Variants in TNRC18 observed in about 807,000 individuals in gnomAD.
The protein encoded by TNRC18 is trinucleotide repeat containing 18.
Under a neutral mutation model 226.7 loss-of-function variants are expected in TNRC18, and 69 were observed. That is an observed-to-expected ratio of 0.30 (90% CI 0.25 to 0.37). TNRC18 has a LOEUF of 0.37. Ranked by LOEUF, TNRC18 falls within the 10% of genes least tolerant of loss-of-function variation. The pLI, the probability that TNRC18 is intolerant of heterozygous loss-of-function variation, is 1.00. For missense variants in TNRC18, 4,754 were observed against 4,256.6 expected (o/e 1.12, Z -3.25); for synonymous variants, 2,449 against 1,927.6 (o/e 1.27, Z -7.09).
chr7:5,403,989 T>C (rs145045237), intron 2 of TNRC18, among the ~76,000 whole-genome samples: 2,136 of 152,254 alleles, frequency 0.014, 55 homozygotes, highest in African/African-American at 0.049. Flanking sequence ...CAAACTCCCA[T>C]AGATCACAAG....
rs1325620835 is a variant in TNRC18 at position 5,374,460 on chromosome 7, G to C, written c.2824C>G (p.His942Asp). The change falls in exon 10 of 30, where the codon CAC becomes GAC. Residue 942 changes from histidine to aspartate, a missense_variant. By Grantham distance (81) the His-to-Asp change is moderately conservative (BLOSUM62 -1). Transcript: ENST00000430969. Reference protein sequence around the residue: ...LVQERLKAQEHRAEMEEKGSK... With the variant: ...LVQERLKAQEDRAEMEEKGSK... ...CCCTTCTCTTCCATCTCCGCCCGGTGCTCCTGCGCCTTCAACCGCTCCTGC... is the reference window on the plus strand; with the variant it reads ...CCCTTCTCTTCCATCTCCGCCCGGTCCTCCTGCGCCTTCAACCGCTCCTGC... The C allele has an allele frequency of 6.5e-7, 1 of 1,546,698 alleles. No individual in the cohort carries two copies. The highest frequency in any genetic ancestry group is 8.7e-7 in the Non-Finnish European group (1 of 1,145,508).
intron 18 of TNRC18, 45 bp downstream of exon 18, chr7:5,345,517 G>GACCCCCCC: frequency 3.2e-5 from 12 of 377,744 alleles, no homozygotes; most frequent in Middle Eastern, 7.4e-4. Context: ...AATGGCGTCC[G>GACCCCCCC]CCCCTCCCAC....
intron 2 of TNRC18, among the ~76,000 whole-genome samples, chr7:5,415,122 G>C (rs970889724): frequency 6.6e-6 from 1 of 152,028 alleles, no homozygotes; most frequent in African/African-American, 2.4e-5. Context: ...GGCTTTCAGG[G>C]ACCTGAAGGA....
Position 5,332,977 on chromosome 7 carries a change from C to T in TNRC18, c.5792G>A (p.Arg1931Gln). ...CGGCTCCCCCAGCCCCTTCTTGGGC[C>T]GCAGCAGCCCCGCAGGCGACCGCTT... ...VRKRSPAGLL[R>Q]PKKGLGEPGP... is the part of the protein sequence containing the mutation. Residue 1931 changes from arginine (R) to glutamine (Q), a missense_variant, in exon 19 of 30, where the codon CGG becomes CAG. Arg to Gln is a conservative substitution (Grantham distance 43). Transcript: ENST00000430969. 3.2e-6 allele frequency: 5 copies of T among 1,567,166 alleles called. No homozygotes were observed. Among genetic ancestry groups the T allele is most frequent in the South Asian group, 1.2e-5 (1 of 86,456 alleles).
At chr7:5,316,723 G>A (rs1010962072) in intron 24 of TNRC18, among the ~76,000 whole-genome samples, 25 of 152,220 alleles carry the variant, frequency 1.6e-4, no homozygotes, top group African/African-American at 6.0e-4. Flanking sequence ...GAATGGGAAA[G>A]GGGAGGGCGG....
chr7:5,402,151 C>T (rs1448233332), intron 2 of TNRC18, among the ~76,000 whole-genome samples: 2 of 143,614 alleles, frequency 1.4e-5, no homozygotes, highest in South Asian at 2.2e-4. Flanking sequence ...TGTACTCCAG[C>T]CTGGGCAACA....
In TNRC18 at chr7:5,312,772, C is replaced by G. The variant is rs181237498; in HGVS notation, c.8119G>C (p.Ala2707Pro). 2 of 1,533,546 alleles carry G rather than the reference C, an allele frequency of 1.3e-6. No homozygotes were observed. Among genetic ancestry groups the G allele is most frequent in the South Asian group, 2.6e-5 (2 of 77,384 alleles). The allele number at this position is 1,533,546 out of a possible 1,614,324, so 95.0% of individuals were successfully genotyped here. A position where few individuals can be genotyped will look rare whatever the true frequency, so the allele number is the denominator to read the frequency against. The change falls in exon 27 of 30, where the codon GCC becomes CCC. Residue 2707 changes from alanine to proline, a missense_variant. By Grantham distance (27) the Ala-to-Pro change is conservative. Coordinates refer to ENST00000430969, the MANE Select transcript of TNRC18 (RefSeq NM_001080495.3). The surrounding 1 kb of genome is among the most constrained non-coding windows in gnomAD (Gnocchi z 6.3). ...TGGGCCGAGGGCCGCGCCTTGCCGG[C>G]CTGCTTGGTGGCCTTGGTGGGGAGC... ...AALPTKATKQ[A>P]GKARPSAHSP...
chr7:5,400,519 G>A (rs1781011742), intron 2 of TNRC18, among the ~76,000 whole-genome samples: 1 of 152,100 alleles, frequency 6.6e-6, no homozygotes, highest in East Asian at 1.9e-4. Flanking sequence ...TTTTTAGGAA[G>A]GAGAATCACT....
chr7:5,416,871 G>C (rs1226094777), intron 2 of TNRC18, among the ~76,000 whole-genome samples: 1 of 152,026 alleles, frequency 6.6e-6, no homozygotes, highest in Non-Finnish European at 1.5e-5. Context: ...CATACCTGTA[G>C]TCCTAGCTAC....
rs770730183 is a variant in TNRC18, at chr7:5,313,542, C to T, written c.7349G>A (p.Gly2450Asp). ...ARAAEESGAKGPRRPGEEAEL... is the reference protein window; with the variant it reads ...ARAAEESGAKDPRRPGEEAEL... ...GGCCTCCTCCCCCGGCCTCCGAGGG[C>T]CCTTGGCACCCGACTCCTCGGCTGC... Residue 2450 changes from glycine (G) to aspartate (D), a missense_variant, in exon 27 of 30, where the codon GGC becomes GAC. Gly to Asp is a moderately conservative substitution (Grantham distance 94, BLOSUM62 -1). Transcript: ENST00000430969. The T allele has an allele frequency of 1.9e-6, 3 of 1,610,558 alleles. No homozygotes were observed. Among genetic ancestry groups the T allele is most frequent in the East Asian group, 4.5e-5 (2 of 44,788 alleles).
chr7:5,365,207 G>C (rs1793494873), intron 11 of TNRC18, among the ~76,000 whole-genome samples: 1 of 152,150 alleles, frequency 6.6e-6, no homozygotes, highest in Non-Finnish European at 1.5e-5. Flanking sequence ...AAGCTGCCAG[G>C]CTCAAGCAAT....
In TNRC18 at chr7:5,335,851, A is replaced by AAT. The variant is rs1396521425; in HGVS notation, c.5720-2803_5720-2802insAT. Among the ~76,000 whole-genome samples, 501 of 114,412 alleles carry AAT rather than the reference A, an allele frequency of 4.4e-3. 4 individuals carry two copies. The highest frequency in any genetic ancestry group is 0.014 in the African/African-American group (481 of 34,158). The allele number at this position is 114,412 out of a possible 152,430, so 75.1% of individuals were successfully genotyped here. On this transcript the variant is annotated intron_variant, in intron 18 of 29. Transcript: ENST00000430969. Reference sequence around the variant, plus strand: ...TATTCACTGGAAAAAAAAAAAAAAAAAAAAAAAGGCATTCTGACTCTCCAC... The same window carrying AAT: ...TATTCACTGGAAAAAAAAAAAAAAAAATAAAAAAAGGCATTCTGACTCTCCAC...
chr7:5,308,193 G>C lies in TNRC18; in HGVS notation c.8820C>G (p.Asp2940Glu), dbSNP rs767883301. Residue 2940 changes from aspartate to glutamate, a missense_variant, in exon 30 of 30, where the codon GAC becomes GAG. Transcript: ENST00000430969. ...CCGCGAGGTAGTACAGGCCCTCGCTGTCCTGGTACTTCTTGGTCTTCAGCA... is the reference window on the plus strand; with the variant it reads ...CCGCGAGGTAGTACAGGCCCTCGCTCTCCTGGTACTTCTTGGTCTTCAGCA... The part of the protein sequence containing the change: ...EQMLKTKKYQ[D>E]SEGLYYLAGT... 34 of 1,607,338 alleles carry C rather than the reference G, an allele frequency of 2.1e-5. No individual in the cohort carries two copies. In the East Asian group the frequency reaches 7.6e-4, roughly 36 times the overall value.
chr7:5,322,471 T>C (rs544949208), intron 21 of TNRC18, among the ~76,000 whole-genome samples: 1 of 152,174 alleles, frequency 6.6e-6, no homozygotes, highest in South Asian at 2.1e-4. Context: ...GCTAATTATT[T>C]TTTGTAGAGA....
intron 18 of TNRC18, among the ~76,000 whole-genome samples, chr7:5,341,194 G>A (rs932214260): frequency 2.1e-5 from 3 of 145,690 alleles, no homozygotes; most frequent in Non-Finnish European, 3.0e-5. Flanking sequence ...GGCGGATCAC[G>A]ATGTCAGGAG....
rs531494350 is a variant in TNRC18 at position 5,324,878 on chromosome 7, C to G, written c.6300+218G>C. Among the ~76,000 whole-genome samples the G allele has an allele frequency of 5.9e-5, 9 of 152,320 alleles. No homozygotes were observed. Among genetic ancestry groups the G allele is most frequent in the South Asian group, 2.1e-4 (1 of 4,834 alleles). On this transcript the variant is annotated intron_variant, in intron 20 of 29. Transcript: ENST00000430969. This position sits in a 1 kb window ranked among gnomAD's most constrained non-coding sequence, Gnocchi z 4.8. ...TCTCTGTTCCAGTGTCCCTCGCCCC[C>G]GCTAGAGCAGACATTTCCTGAGGAC...
rs1044238898 is a variant in TNRC18 at position 5,377,659 on chromosome 7, G to A, written c.2256-83C>T. ...AGAAGCGGGGTTGCCCCAAGGAACT[G>A]TTTGCCACCAGGCCATGAGTCAGGA... On this transcript the variant is annotated intron_variant, in intron 6 of 29. Coordinates refer to ENST00000430969, the MANE Select transcript of TNRC18 (RefSeq NM_001080495.3). This position sits in a 1 kb window ranked among gnomAD's most constrained non-coding sequence, Gnocchi z 5.8. 24 of 1,405,500 alleles carry A rather than the reference G, an allele frequency of 1.7e-5. No homozygotes were observed. Among genetic ancestry groups the A allele is most frequent in the Non-Finnish European group, 2.3e-5 (24 of 1,031,056 alleles). The allele number at this position is 1,405,500 out of a possible 1,614,324, so 87.1% of individuals were successfully genotyped here. A position where few individuals can be genotyped will look rare whatever the true frequency, so the allele number is the denominator to read the frequency against.
At position 5,324,452 on chromosome 7, in the gene TNRC18, C is replaced by A; in HGVS notation, c.6301-97G>T. The A allele has an allele frequency of 6.7e-7, 1 of 1,493,156 alleles. No individual in the cohort carries two copies. The highest frequency in any genetic ancestry group is 9.1e-7 in the Non-Finnish European group (1 of 1,100,128). 92.5% of individuals were successfully genotyped at this position (1,493,156 alleles called of 1,614,324 possible). A position where few individuals can be genotyped will look rare whatever the true frequency, so the allele number is the denominator to read the frequency against. ...TGGAAACCTGGAGCCACAGTCAGGC[C>A]GCAGGGGGAATCTGTCATGTGCATG... On this transcript the variant is annotated intron_variant, in intron 20 of 29. Coordinates refer to ENST00000430969, the MANE Select transcript of TNRC18 (RefSeq NM_001080495.3). This position sits in a 1 kb window ranked among gnomAD's most constrained non-coding sequence, Gnocchi z 4.8.
chr7:5,369,505 C>G (rs367558655), intron 11 of TNRC18, among the ~76,000 whole-genome samples: 23 of 152,270 alleles, frequency 1.5e-4, no homozygotes, highest in East Asian at 9.6e-4. Flanking sequence ...GACCACCCCC[C>G]ACCCCAGTGA....
Sources: allele counts gnomAD v4.1 joint callset (sites outside exome capture counted in the v4.1 genomes callset), GRCh38; gene constraint gnomAD v4.1.1; non-coding constraint Gnocchi (gnomAD v3.1); transcripts MANE v1.5; gene names NCBI Gene and HGNC (gene_info 2026-07-23, HGNC 2026-07-21).